IGSF21: variants seen among roughly 807,000 people sequenced by gnomAD.
IGSF21 encodes the protein immunoglobin superfamily member 21, also known as immunoglobulin superfamily member 21.
Under a neutral mutation model 46.8 loss-of-function variants are expected in IGSF21, and 28 were observed. That is an observed-to-expected ratio of 0.60 (90% CI 0.44 to 0.82). The LOEUF (loss-of-function observed/expected upper bound fraction) is 0.82, where lower values mean the gene tolerates loss of function less well. Among genes scored for constraint, IGSF21 ranks in the 40% least tolerant of loss-of-function variants. The pLI is 0.00. For missense variants in IGSF21, 624 were observed against 665.5 expected, an observed-to-expected ratio of 0.94 and a Z score of 0.69; for synonymous variants, 284 against 273.6, an observed-to-expected ratio of 1.04 and a Z score of -0.38.
At chr1:18,306,004 T>G (rs530715654) in intron 3 of IGSF21, among the ~76,000 whole-genome samples, 2 of 152,350 alleles carry the variant, frequency 1.3e-5, no homozygotes, top group East Asian at 3.9e-4. Flanking sequence ...CCTTTCTCTG[T>G]GCATCATGGC....
At chr1:18,317,664 G>A (rs1313413593) in intron 3 of IGSF21, among the ~76,000 whole-genome samples, 1 of 152,128 alleles carries the variant, frequency 6.6e-6, no homozygotes, top group Non-Finnish European at 1.5e-5. Context: ...TCAGTCTATG[G>A]CCATGAATCC....
At chr1:18,181,353 G>A (rs1005282332) in intron 1 of IGSF21, among the ~76,000 whole-genome samples, 1 of 152,300 alleles carries the variant, frequency 6.6e-6, no homozygotes. Context: ...GACAGGGTGC[G>A]TTTAATTACA....
At chr1:18,307,315 T>C (rs1177404372) in intron 3 of IGSF21, among the ~76,000 whole-genome samples, 1 of 152,166 alleles carries the variant, frequency 6.6e-6, no homozygotes, top group African/African-American at 2.4e-5. Context: ...ATGGGAGCGA[T>C]GATATAGCAA....
intron 1 of IGSF21, among the ~76,000 whole-genome samples, chr1:18,142,551 A>G (rs574892671): frequency 6.6e-6 from 1 of 152,230 alleles, no homozygotes; most frequent in East Asian, 1.9e-4. Flanking sequence ...CCCTTCCCAG[A>G]TGGCCTTGGC....
chr1:18,355,368 G>T (rs1189318643), intron 4 of IGSF21, among the ~76,000 whole-genome samples: 1 of 152,194 alleles, frequency 6.6e-6, no homozygotes, highest in Non-Finnish European at 1.5e-5. Context: ...GATAAAGACA[G>T]GCAATATTTC....
chr1:18,254,967 G>A (rs1293211189), intron 2 of IGSF21, among the ~76,000 whole-genome samples: 1 of 152,196 alleles, frequency 6.6e-6, no homozygotes, highest in South Asian at 2.1e-4. Context: ...TGTGGGCTGG[G>A]ACTATCTGGA....
chr1:18,378,284 C>G lies in IGSF21; in HGVS notation c.1362C>G (p.Leu454=). 1 of 1,614,064 alleles carries G rather than the reference C, an allele frequency of 6.2e-7. No individual in the cohort carries two copies. Among genetic ancestry groups the G allele is most frequent in the African/African-American group, 1.3e-5 (1 of 75,024 alleles). ...CCATTGGCCCCACTGGTGCCCGGCT[C>G]ACCTTGGTGCTCGCCCTGACAGTGA... ...NGSIGPTGAR[L]TLVLALTVIL... is the part of the protein sequence containing the mutation. The change falls in exon 10 of 10, where the codon CTC becomes CTG. Residue 454 remains leucine, a synonymous_variant. Coordinates refer to ENST00000251296, the MANE Select transcript of IGSF21 (RefSeq NM_032880.5).
rs1332162127 is a variant in IGSF21, at chr1:18,322,972, G to A, written c.306-11920G>A. On this transcript the variant is annotated intron_variant, in intron 3 of 9. Transcript: ENST00000251296. The surrounding 1 kb of genome is among the most constrained non-coding windows in gnomAD (Gnocchi z 4.3). ...GTGGGAATGGGGAAGCGGGTTCAGG[G>A]CCCAAGGTGAACAGCAGTGGCTGGA... is the stretch of plus-strand genomic sequence containing the variant. 6.6e-6 allele frequency among the ~76,000 whole-genome samples: 1 copy of A among 152,154 alleles called. No homozygotes were observed.
At chr1:18,359,370 GAAAGA>G (rs2086062897) in intron 4 of IGSF21, among the ~76,000 whole-genome samples, 1 of 103,216 alleles carries the variant, frequency 9.7e-6, no homozygotes, top group African/African-American at 3.8e-5. Flanking sequence ...AAGAAAGAAA[GAAAGA>G]AAGAAAGAAA....
At chr1:18,373,777 G>A (rs1339042004) in intron 6 of IGSF21, among the ~76,000 whole-genome samples, 1 of 152,176 alleles carries the variant, frequency 6.6e-6, no homozygotes, top group African/African-American at 2.4e-5. Context: ...CCTTGGACAA[G>A]CCACTGCCCC....
chr1:18,115,713 T>G (rs1159065193), intron 1 of IGSF21: 1 of 151,540 alleles, frequency 6.6e-6, no homozygotes, highest in Non-Finnish European at 1.5e-5. Flanking sequence ...TATGTTCTCC[T>G]TGGAGAGGGG....
At chr1:18,150,726 C>T (rs1276910833) in intron 1 of IGSF21, among the ~76,000 whole-genome samples, 1 of 152,226 alleles carries the variant, frequency 6.6e-6, no homozygotes, top group Non-Finnish European at 1.5e-5. Context: ...GAAGTCAGTG[C>T]AGTGTCCTCC....
intron 2 of IGSF21, among the ~76,000 whole-genome samples, chr1:18,234,590 A>G (rs1030695718): frequency 2.0e-5 from 3 of 152,156 alleles, no homozygotes; most frequent in African/African-American, 7.2e-5. Context: ...GGAAACTTAC[A>G]ATCATGGTGG....
At chr1:18,222,341 CTT>C (rs2084518645) in intron 1 of IGSF21, among the ~76,000 whole-genome samples, 1 of 152,218 alleles carries the variant, frequency 6.6e-6, no homozygotes, top group South Asian at 2.1e-4. Context: ...TGAATCTTCT[CTT>C]CTCTCCAGTC....
At chr1:18,169,849 C>T (rs1288661991) in intron 1 of IGSF21, among the ~76,000 whole-genome samples, 2 of 151,904 alleles carry the variant, frequency 1.3e-5, no homozygotes, top group Non-Finnish European at 2.9e-5. Flanking sequence ...ATGGGGGAGG[C>T]AGACAGGCTG....
intron 3 of IGSF21, among the ~76,000 whole-genome samples, chr1:18,329,186 C>T (rs2085686911): frequency 6.6e-6 from 1 of 152,150 alleles, no homozygotes; most frequent in African/African-American, 2.4e-5. Flanking sequence ...CTCCATCTGG[C>T]TTGAATTCAA....
chr1:18,147,016 G>GGCTC (rs779903530), intron 1 of IGSF21, among the ~76,000 whole-genome samples: 9 of 152,144 alleles, frequency 5.9e-5, no homozygotes, highest in Non-Finnish European at 1.3e-4. Context: ...GAGTTCTGGA[G>GGCTC]GCTCTTCCCC....
At chr1:18,133,642 C>G (rs2086341983) in intron 1 of IGSF21, among the ~76,000 whole-genome samples, 1 of 152,244 alleles carries the variant, frequency 6.6e-6, no homozygotes, top group Non-Finnish European at 1.5e-5. Flanking sequence ...CTTCCCCTAC[C>G]AACAGTCTGC....
chr1:18,149,159 G>A (rs2086497989), intron 1 of IGSF21, among the ~76,000 whole-genome samples: 1 of 151,336 alleles, frequency 6.6e-6, no homozygotes, highest in Admixed American at 6.6e-5. Context: ...ATGTGTGCCT[G>A]AGCCCCTCTG....
Sources: allele counts gnomAD v4.1 joint callset (sites outside exome capture counted in the v4.1 genomes callset), GRCh38; gene constraint gnomAD v4.1.1; non-coding constraint Gnocchi (gnomAD v3.1); transcripts MANE v1.5; gene names NCBI Gene and HGNC (gene_info 2026-07-23, HGNC 2026-07-21).